PTPN20: variants seen among roughly 807,000 people sequenced by gnomAD.
PTPN20 encodes protein tyrosine phosphatase non-receptor type 20, also known as tyrosine-protein phosphatase non-receptor type 20.
Under a neutral mutation model 35.0 loss-of-function variants are expected in PTPN20, and 9 were observed. That is an observed-to-expected ratio of 0.26 (90% CI 0.15 to 0.45). PTPN20 has a LOEUF of 0.45. Ranked by LOEUF, PTPN20 falls within the 20% of genes least tolerant of loss-of-function variation. The probability of loss-of-function intolerance (pLI) is 1.00; values close to 1 mark genes in which losing one functional copy is unlikely to be tolerated. For missense variants in PTPN20, 111 were observed against 312.5 expected (o/e 0.36, Z 4.86); for synonymous variants, 32 against 100.2 (o/e 0.32, Z 4.06).
rs1220740206 is a variant in PTPN20, at chr10:47,002,005, A to G, written c.*1264A>G. 1.4e-4 allele frequency: 22 copies of G among 152,128 alleles called. No homozygotes were observed. The highest frequency in any genetic ancestry group is 1.4e-3 in the Admixed American group (22 of 15,266). The allele number at this position is 152,128 out of a possible 1,614,324, so 9.4% of individuals were successfully genotyped here. On this transcript the variant is annotated 3_prime_UTR_variant, in exon 11 of 11. Transcript: ENST00000374339. ...GAGAAAATGTTTAATATCAATCTAT[A>G]AATCTTGAATTTCTAAGAGGCTTAT...
At chr10:46,998,831 AT>A (rs1475932698) in intron 9 of PTPN20, among the ~76,000 whole-genome samples, 3 of 114,844 alleles carry the variant, frequency 2.6e-5, no homozygotes, top group South Asian at 3.2e-4. Context: ...ATAAAATAAA[AT>A]TTTTTTATGG....
chr10:46,991,940 G>A (rs1467035176), intron 9 of PTPN20, among the ~76,000 whole-genome samples: 1 of 152,030 alleles, frequency 6.6e-6, no homozygotes, highest in Non-Finnish European at 1.5e-5. Context: ...ACAGGACTTT[G>A]CTGAATTTCT....
At chr10:46,998,023 G>A (rs1424913264) in intron 9 of PTPN20, among the ~76,000 whole-genome samples, 2 of 152,236 alleles carry the variant, frequency 1.3e-5, no homozygotes, top group East Asian at 3.9e-4. Flanking sequence ...AATGTAGACT[G>A]GTACCAGCCA....
Position 46,940,620 on chromosome 10 carries a change from C to T in PTPN20, c.35-3C>T, listed in dbSNP as rs2043171910. 3.7e-6 allele frequency: 6 copies of T among 1,610,320 alleles called. No homozygotes were observed. Among genetic ancestry groups the T allele is most frequent in the Non-Finnish European group, 4.2e-6 (5 of 1,179,210 alleles). On this transcript the variant is annotated splice_polypyrimidine_tract_variant and splice_region_variant and intron_variant, in intron 2 of 10. Transcript: ENST00000374339. ...ATCAGTTTTTCCCCCCGCCTTTGTT[C>T]AGTAAACGATTATGAGGGAAATGAC...
intron 2 of PTPN20, among the ~76,000 whole-genome samples, chr10:46,939,008 A>G (rs1389936849): frequency 6.6e-6 from 1 of 152,092 alleles, no homozygotes; most frequent in Non-Finnish European, 1.5e-5. Flanking sequence ...GCCTTCTATG[A>G]GTTGCTTGTT....
intron 7 of PTPN20, among the ~76,000 whole-genome samples, chr10:46,972,319 A>G (rs1238318816): frequency 2.7e-4 from 41 of 152,272 alleles, no homozygotes; most frequent in African/African-American, 9.9e-4. Context: ...ATGGCAAATA[A>G]ATGCATGAAA....
intron 9 of PTPN20, among the ~76,000 whole-genome samples, chr10:46,995,562 C>T (rs902637952): frequency 6.6e-6 from 1 of 152,110 alleles, no homozygotes; most frequent in Admixed American, 6.5e-5. Context: ...TGCTACTAAA[C>T]AACCACTCTG....
chr10:46,992,291 T>G (rs904553176), intron 9 of PTPN20, among the ~76,000 whole-genome samples: 155 of 151,978 alleles, frequency 1.0e-3, no homozygotes, highest in Non-Finnish European at 2.0e-3. Context: ...CCTCACTAGT[T>G]TTTGTATTTT....
At chr10:46,992,207 C>T (rs1302239745) in intron 9 of PTPN20, among the ~76,000 whole-genome samples, 2 of 151,094 alleles carry the variant, frequency 1.3e-5, no homozygotes, top group African/African-American at 4.9e-5. Context: ...ACTACATCCT[C>T]CACCTCTCAG....
chr10:46,923,510 A>C (rs1296109845), intron 1 of PTPN20, among the ~76,000 whole-genome samples: 213 of 147,338 alleles, frequency 1.4e-3, no homozygotes, highest in Non-Finnish European at 2.5e-3. Flanking sequence ...TTTACTAAAG[A>C]TCGGTTGACT....
At chr10:46,947,643 C>A in intron 5 of PTPN20, among the ~76,000 whole-genome samples, 1 of 151,532 alleles carries the variant, frequency 6.6e-6, no homozygotes, top group Non-Finnish European at 1.5e-5. Flanking sequence ...TATAGTTAAC[C>A]CTTTACCCTA....
At chr10:46,947,166 A>G (rs1662794833) in intron 5 of PTPN20, among the ~76,000 whole-genome samples, 1 of 144,650 alleles carries the variant, frequency 6.9e-6, no homozygotes, top group African/African-American at 2.5e-5. Flanking sequence ...ATATAATATA[A>G]ATGTAATTAG....
At chr10:46,982,357 ACTC>A (rs1239721295) in intron 7 of PTPN20, among the ~76,000 whole-genome samples, 1 of 142,850 alleles carries the variant, frequency 7.0e-6, no homozygotes, top group South Asian at 2.3e-4. Context: ...TTCTGTTAGT[ACTC>A]CTGCTTCTGT....
chr10:46,926,182 C>T (rs1266289715), intron 1 of PTPN20: 8 of 984,104 alleles, frequency 8.1e-6, no homozygotes, highest in Non-Finnish European at 9.6e-6. Context: ...TGGAGTTTTC[C>T]CTGGTTTGAT....
At chr10:46,980,060 A>G (rs1442141823) in intron 7 of PTPN20, among the ~76,000 whole-genome samples, 77 of 149,730 alleles carry the variant, frequency 5.1e-4, no homozygotes, top group Non-Finnish European at 9.5e-4. Flanking sequence ...AGGGTAGGAG[A>G]TATATCCAAC....
rs1208148868 is a variant in PTPN20 at position 46,931,624 on chromosome 10, C to T, written c.-123-753C>T. 2.8e-5 allele frequency among the ~76,000 whole-genome samples: 4 copies of T among 143,384 alleles called. 1 individual carries two copies. The highest frequency in any genetic ancestry group is 6.8e-5 in the Admixed American group (1 of 14,726). 94.1% of individuals were successfully genotyped at this position (143,384 alleles called of 152,430 possible). ...CTGGTCTCAAACTCCTGAGCTCAAG[C>T]GATCCTCCTGCCTTGGCCTCCCAAA... is the stretch of plus-strand genomic sequence containing the variant. On this transcript the variant is annotated intron_variant, in intron 1 of 10. Coordinates refer to ENST00000374339, the MANE Select transcript of PTPN20 (RefSeq NM_001042357.5).
At chr10:46,997,307 T>G (rs2059286055) in intron 9 of PTPN20, among the ~76,000 whole-genome samples, 1 of 152,074 alleles carries the variant, frequency 6.6e-6, no homozygotes. Flanking sequence ...TTTCATTTGT[T>G]GATCTTGTAC....
chr10:46,919,187 C>T (rs1480090573), intron 1 of PTPN20, among the ~76,000 whole-genome samples: 1 of 152,150 alleles, frequency 6.6e-6, no homozygotes, highest in Non-Finnish European at 1.5e-5. Flanking sequence ...ACGGTGGGTT[C>T]CTTGTAGACA....
chr10:46,923,902 T>C (rs1370074036), intron 1 of PTPN20, among the ~76,000 whole-genome samples: 2 of 152,214 alleles, frequency 1.3e-5, no homozygotes, highest in Non-Finnish European at 2.9e-5. Flanking sequence ...AGATCCTGTA[T>C]ATATTTTGTT....
Sources: gnomAD v4.1 joint callset for allele counts (sites outside exome capture counted in the v4.1 genomes callset) on GRCh38, gnomAD v4.1.1 for gene constraint, MANE v1.5 for transcripts, NCBI Gene and HGNC (gene_info 2026-07-23, HGNC 2026-07-21) for gene names.